IFT56: variants seen among roughly 807,000 people sequenced by gnomAD.
IFT56 encodes the protein intraflagellar transport 56.
the IFT56 span, among the ~76,000 whole-genome samples, chr7:139,155,781 A>G: frequency 2.0e-5 from 3 of 152,118 alleles, no homozygotes; most frequent in Non-Finnish European, 4.4e-5. Flanking sequence ...GGGTAATACT[A>G]GCCACATAGT....
At chr7:139,154,054 G>T in the IFT56 span, among the ~76,000 whole-genome samples, 1 of 152,128 alleles carries the variant, frequency 6.6e-6, no homozygotes, top group Non-Finnish European at 1.5e-5. Context: ...GTGGAATCTT[G>T]TGGTTTCTAT....
At chr7:139,146,175 A>T in the IFT56 span, among the ~76,000 whole-genome samples, 1 of 152,182 alleles carries the variant, frequency 6.6e-6, no homozygotes, top group African/African-American at 2.4e-5. Flanking sequence ...TTAAGCTAAT[A>T]AGTCATTCTC....
chr7:139,166,565 TATCTAATACA>T, the IFT56 span, among the ~76,000 whole-genome samples: 1 of 152,070 alleles, frequency 6.6e-6, no homozygotes, highest in Admixed American at 6.5e-5. Context: ...TTGCTTTTCT[TATCTAATACA>T]ATGCCATTGG....
the IFT56 span, among the ~76,000 whole-genome samples, chr7:139,165,678 C>T: frequency 6.6e-6 from 1 of 152,114 alleles, no homozygotes; most frequent in Non-Finnish European, 1.5e-5. Flanking sequence ...ATGAGAAATA[C>T]TATGATTCAA....
chr7:139,135,297 AAC>A, the IFT56 span, among the ~76,000 whole-genome samples: 184 of 108,012 alleles, frequency 1.7e-3, 3 homozygotes, highest in African/African-American at 0.012. Flanking sequence ...AAAAAAAAAA[AAC>A]AAAACAAAAC....
chr7:139,143,950 A>G, the IFT56 span, among the ~76,000 whole-genome samples: 1 of 152,166 alleles, frequency 6.6e-6, no homozygotes, highest in African/African-American at 2.4e-5. Flanking sequence ...AGGACCTTAG[A>G]TCATTTAAAC....
At chr7:139,157,143 T>TC in the IFT56 span, among the ~76,000 whole-genome samples, 1 of 95,628 alleles carries the variant, frequency 1.0e-5, no homozygotes, top group African/African-American at 7.5e-5. Context: ...TAATTTCTTT[T>TC]TTTTTTTTTT....
the IFT56 span, chr7:139,146,873 A>G: frequency 1.5e-6 from 1 of 679,974 alleles, no homozygotes; most frequent in South Asian, 2.0e-5. Context: ...AAATATAAAG[A>G]AAAAGAAAAG....
chr7:139,144,595 T>G, the IFT56 span, among the ~76,000 whole-genome samples: 12 of 150,820 alleles, frequency 8.0e-5, no homozygotes, highest in Non-Finnish European at 1.6e-4. Context: ...AGGCTCCCAG[T>G]AATATGTATG....
the IFT56 span, chr7:139,148,403 G>C: frequency 3.2e-6 from 5 of 1,587,252 alleles, no homozygotes; most frequent in Non-Finnish European, 4.3e-6. Flanking sequence ...TGTTTTTAAT[G>C]TACTTCATTC....
the IFT56 span, chr7:139,179,677 A>G: frequency 2.6e-6 from 4 of 1,531,794 alleles, no homozygotes; most frequent in Non-Finnish European, 3.6e-6. Context: ...TACAAGAAGA[A>G]TCCTCTTTTT....
chr7:139,170,793 A>C, the IFT56 span, among the ~76,000 whole-genome samples: 1 of 152,246 alleles, frequency 6.6e-6, no homozygotes, highest in Non-Finnish European at 1.5e-5. Context: ...ATCTGGAACA[A>C]GACAAGGATG....
chr7:139,166,839 G>C, the IFT56 span: 2 of 1,566,260 alleles, frequency 1.3e-6, no homozygotes, highest in Non-Finnish European at 1.8e-6. Context: ...TTGTATTTCA[G>C]ATGATGTACA....
the IFT56 span, chr7:139,174,024 C>T: frequency 1.8e-5 from 11 of 614,284 alleles, no homozygotes; most frequent in Non-Finnish European, 2.8e-5. Context: ...AATGAGGAGG[C>T]CTTTTAAGAC....
At chr7:139,182,967 C>A in the IFT56 span, among the ~76,000 whole-genome samples, 3 of 151,800 alleles carry the variant, frequency 2.0e-5, no homozygotes, top group East Asian at 3.9e-4. Flanking sequence ...TAATGTAGAC[C>A]ACAGTCTTAA....
the IFT56 span, chr7:139,160,973 A>G: frequency 7.4e-6 from 12 of 1,613,518 alleles, no homozygotes; most frequent in African/African-American, 1.3e-5. Flanking sequence ...TTGATGGACA[A>G]TGCTTCTTCA....
At chr7:139,142,208 T>TG in the IFT56 span, 1 of 1,607,076 alleles carries the variant, frequency 6.2e-7, no homozygotes, top group East Asian at 2.2e-5. Context: ...TACAAGGGAC[T>TG]GCTAGACTGT....
At chr7:139,184,916 T>C in the IFT56 span, among the ~76,000 whole-genome samples, 4 of 150,976 alleles carry the variant, frequency 2.6e-5, no homozygotes, top group Non-Finnish European at 5.9e-5. Flanking sequence ...TAGCCAGGCG[T>C]GGTGGCGGGC....
the IFT56 span, among the ~76,000 whole-genome samples, chr7:139,175,032 G>T: frequency 7.6e-6 from 1 of 131,674 alleles, no homozygotes; most frequent in Non-Finnish European, 1.5e-5. Context: ...AAAAAAGAAA[G>T]AAAGAAAGAA....
Sources: allele counts gnomAD v4.1 joint callset (sites outside exome capture counted in the v4.1 genomes callset), GRCh38; gene constraint gnomAD v4.1.1; transcripts MANE v1.5; gene names NCBI Gene and HGNC (gene_info 2026-07-23, HGNC 2026-07-21).